MAST1: variants seen among roughly 807,000 people sequenced by gnomAD.
The protein encoded by MAST1 is microtubule associated serine/threonine kinase 1.
MAST1 carries 40 observed loss-of-function variants against 124.6 expected under a neutral mutation model. The ratio of observed to expected loss-of-function variants is 0.32; its 90% CI spans 0.25 to 0.42. The LOEUF is 0.42. MAST1 is among the 10% of genes least tolerant of loss of function. The pLI, the probability that MAST1 is intolerant of heterozygous loss-of-function variation, is 1.00. For synonymous variants in MAST1, 938 were observed against 939.4 expected (o/e 1.00, Z 0.03); for missense variants, 1,558 against 2,181.9 (o/e 0.71, Z 5.70).
chr19:12,851,835 T>C, intron 7 of MAST1, 99 bp from the exon 8 acceptor site: 2 of 872,690 alleles, frequency 2.3e-6, no homozygotes, highest in Non-Finnish European at 3.6e-6. Flanking sequence ...ACCTGTAAGA[T>C]GGGACAGTAG....
chr19:12,853,223 G>A (rs773892386), intron 10 of MAST1, among the ~76,000 whole-genome samples: 6 of 151,512 alleles, frequency 4.0e-5, no homozygotes, highest in Non-Finnish European at 5.9e-5. Flanking sequence ...TGCCCATCTC[G>A]GCCTCCCAAA....
intron 12 of MAST1, chr19:12,858,984 C>CT (rs1451684688): frequency 3.4e-6 from 2 of 593,770 alleles, no homozygotes. Flanking sequence ...ATTATCCATC[C>CT]ATCTATCCTT....
chr19:12,873,231 G>C, intron 24 of MAST1, 93 bp from the exon 25 acceptor site: 2 of 1,251,048 alleles, frequency 1.6e-6, no homozygotes, highest in East Asian at 4.8e-5. Flanking sequence ...GCCAGAAGGG[G>C]TGGGTGGTTA....
chr19:12,848,140 A>C, intron 7 of MAST1, 83 bp downstream of exon 7: 4 of 1,252,090 alleles, frequency 3.2e-6, no homozygotes, highest in Non-Finnish European at 3.4e-6. Context: ...CACCCCACAT[A>C]CATTCAGGGA....
intron 12 of MAST1, among the ~76,000 whole-genome samples, chr19:12,862,464 G>A (rs1181294878): frequency 6.6e-6 from 1 of 152,050 alleles, no homozygotes; most frequent in Non-Finnish European, 1.5e-5. Flanking sequence ...AGCTAATGGA[G>A]GGTTTTAAGA....
chr19:12,845,505 G>A (rs999799086), intron 4 of MAST1, among the ~76,000 whole-genome samples: 4 of 149,746 alleles, frequency 2.7e-5, no homozygotes, highest in African/African-American at 9.8e-5. Context: ...GATTGCTCGA[G>A]CCCAGGAGGT....
At position 12,848,079 on chromosome 19, in the gene MAST1, G is replaced by A. The variant is rs1268187314; in HGVS notation, c.774+22G>A. The A allele has an allele frequency of 5.0e-6, 8 of 1,605,968 alleles. 1 individual carries two copies. In the South Asian group the frequency reaches 6.6e-5, roughly 13 times the overall value. On this transcript the variant is annotated intron_variant, in intron 7 of 25. Transcript: ENST00000251472. ...AGACGTGAGTGCACGCGGAGGCCGG[G>A]CTGATCTCAGGCTCAGCACCGCCAG...
Position 12,843,420 on chromosome 19 carries a change from T to C in MAST1, c.249-109T>C, listed in dbSNP as rs1381716746. ...CTTGAGGAATCTTAGAGTGCAGATA[T>C]ATTCCCCCAACCCCCACCCTGGCCC... On this transcript the variant is annotated intron_variant, in intron 3 of 25. Transcript: ENST00000251472. This position sits in a 1 kb window ranked among gnomAD's most constrained non-coding sequence, Gnocchi z 4.9. The C allele has an allele frequency of 2.7e-6, 2 of 753,332 alleles. No individual in the cohort carries two copies. The highest frequency in any genetic ancestry group is 3.5e-5 in the African/African-American group (2 of 56,774). 46.7% of individuals were successfully genotyped at this position (753,332 alleles called of 1,614,324 possible).
At chr19:12,846,936 T>C (rs1599578142) in intron 4 of MAST1, among the ~76,000 whole-genome samples, 2 of 113,512 alleles carry the variant, frequency 1.8e-5, no homozygotes, top group Non-Finnish European at 3.6e-5. Context: ...AGCAGGAGAG[T>C]GAGAAAAATC....
At chr19:12,857,885 A>G (rs1970034733) in intron 10 of MAST1, among the ~76,000 whole-genome samples, 1 of 151,804 alleles carries the variant, frequency 6.6e-6, no homozygotes, top group South Asian at 2.1e-4. Context: ...GCATGGTGGC[A>G]TGTGCCTGTG....
rs1426969499 is a variant in MAST1 at position 12,847,078 on chromosome 19, T to A, written c.328-212T>A. 6.6e-6 allele frequency among the ~76,000 whole-genome samples: 1 copy of A among 151,990 alleles called. No homozygotes were observed. The highest frequency in any genetic ancestry group is 1.5e-5 in the Non-Finnish European group (1 of 67,996). ...GAGGCTCATGACTTGACCCAAGCTTTAACAGACTCACTGTCTCCACCCCTG... is the reference window on the plus strand; with the variant it reads ...GAGGCTCATGACTTGACCCAAGCTTAAACAGACTCACTGTCTCCACCCCTG... On this transcript the variant is annotated intron_variant, in intron 4 of 25. Coordinates refer to ENST00000251472, the MANE Select transcript of MAST1 (RefSeq NM_014975.3). This position sits in a 1 kb window ranked among gnomAD's most constrained non-coding sequence, Gnocchi z 5.5.
At position 12,840,548 on chromosome 19, in the gene MAST1, TAG is replaced by T. The variant is rs758882412; in HGVS notation, c.172+18_172+19del. ...CAGGTCACCTAGGTGAGGCCAGTGGTAGAGACTTGGTGGGTGCAGACTGGCCT... is the reference window on the plus strand; with the variant it reads ...CAGGTCACCTAGGTGAGGCCAGTGGTAGACTTGGTGGGTGCAGACTGGCCT... On this transcript the variant is annotated intron_variant, in intron 2 of 25. Coordinates refer to ENST00000251472, the MANE Select transcript of MAST1 (RefSeq NM_014975.3). The T allele has an allele frequency of 1.2e-6, 2 of 1,601,290 alleles. No homozygotes were observed. Among genetic ancestry groups the T allele is most frequent in the Non-Finnish European group, 8.6e-7 (1 of 1,169,364 alleles).
chr19:12,874,104 C>A lies in MAST1; in HGVS notation c.3947C>A (p.Pro1316Gln), dbSNP rs1970277851. 6.4e-7 allele frequency: 1 copy of A among 1,555,708 alleles called. No individual in the cohort carries two copies. The highest frequency in any genetic ancestry group is 1.2e-5 in the South Asian group (1 of 85,066). ...SLAESDGETP[P>Q]VEGLGAPRQV... ...GCCGAGTCCGACGGTGAGACGCCCC[C>A]AGTCGAGGGCCTTGGCGCGCCCCGG... is the stretch of plus-strand genomic sequence containing the variant. Residue 1316 changes from proline (P) to glutamine (Q), a missense_variant, in exon 26 of 26, where the codon CCA becomes CAA. Physicochemically the swap from Pro to Gln is moderately conservative, Grantham distance 76. Transcript: ENST00000251472. The surrounding 1 kb of genome is among the most constrained non-coding windows in gnomAD (Gnocchi z 6.6).
intron 12 of MAST1, among the ~76,000 whole-genome samples, chr19:12,864,573 C>G (rs989833152): frequency 6.6e-6 from 1 of 152,134 alleles, no homozygotes; most frequent in African/African-American, 2.4e-5. Flanking sequence ...CCCATCCTTT[C>G]TTTGAGTCTC....
Position 12,858,373 on chromosome 19 carries a change from C to G in MAST1, c.1089C>G (p.Ser363Arg), listed in dbSNP as rs773421302. ...EQDDLSEGRSSKAKKPPGEND... is the reference protein window; with the variant it reads ...EQDDLSEGRSRKAKKPPGEND... ...TCTTTTTCCTGAAGGGCCGCAGCAG[C>G]AAGGCCAAGAAACCGCCGGGGGAGA... Residue 363 changes from serine to arginine, a missense_variant, in exon 11 of 26, where the codon AGC becomes AGG. By Grantham distance (110) the Ser-to-Arg change is moderately radical. This residue lies in a region of MAST1 where 136 missense variants were observed against 160.9 expected (regional missense o/e 0.85). Transcript: ENST00000251472. 4 of 1,613,536 alleles carry G rather than the reference C, an allele frequency of 2.5e-6. No individual in the cohort carries two copies. The highest frequency in any genetic ancestry group is 1.7e-5 in the Admixed American group (1 of 59,968).
intron 10 of MAST1, among the ~76,000 whole-genome samples, chr19:12,852,754 CAGA>C (rs1474744272): frequency 4.0e-5 from 6 of 151,418 alleles, no homozygotes; most frequent in Non-Finnish European, 8.8e-5. Flanking sequence ...GAGGCTGAGG[CAGA>C]AGAATCACTT....
At chr19:12,851,906 C>T (rs774213118) in intron 7 of MAST1, 28 bp from the exon 8 acceptor site, 10 of 1,580,380 alleles carry the variant, frequency 6.3e-6, no homozygotes, top group Non-Finnish European at 8.7e-6. Flanking sequence ...TGCCTATGAG[C>T]CCTGTCCCTC....
intron 10 of MAST1, among the ~76,000 whole-genome samples, chr19:12,854,123 CTTTTTTT>C (rs533163138): frequency 9.5e-5 from 12 of 126,666 alleles, no homozygotes; most frequent in African/African-American, 3.3e-4. Context: ...CTGGATATTT[CTTTTTTT>C]TTTTTTTTTT....
intron 12 of MAST1, among the ~76,000 whole-genome samples, chr19:12,860,785 C>G (rs1401888905): frequency 6.6e-6 from 1 of 151,974 alleles, no homozygotes. Context: ...TGTATTCACC[C>G]AAATGTTAAT....
Sources: gnomAD v4.1 joint callset for allele counts (sites outside exome capture counted in the v4.1 genomes callset) on GRCh38, gnomAD v4.1.1 for gene constraint, gnomAD v4.1.1 regional missense constraint, Gnocchi (gnomAD v3.1) non-coding constraint, MANE v1.5 for transcripts, NCBI Gene and HGNC (gene_info 2026-07-23, HGNC 2026-07-21) for gene names.